The following SSH2 variants were observed in gnomAD, a reference collection of about 807,000 sequenced individuals.
SSH2 encodes the protein slingshot protein phosphatase 2.
A neutral mutation model predicts 135.2 loss-of-function variants in SSH2; 37 were observed. That is an observed-to-expected ratio of 0.27 (90% CI 0.21 to 0.36). SSH2 has a LOEUF of 0.36. Among genes scored for constraint, SSH2 ranks in the 10% least tolerant of loss-of-function variants. The pLI is 1.00. For synonymous variants in SSH2, 628 were observed against 646.2 expected, an observed-to-expected ratio of 0.97 and a Z score of 0.43; for missense variants, 1,408 against 1,765.3, an observed-to-expected ratio of 0.80 and a Z score of 3.63.
intron 3 of SSH2, among the ~76,000 whole-genome samples, chr17:29,708,533 T>C (rs1425402746): frequency 1.4e-5 from 2 of 145,382 alleles, no homozygotes; most frequent in African/African-American, 5.2e-5. Flanking sequence ...GAGGTTGCAG[T>C]GAGCCGAGAT....
intron 1 of SSH2, among the ~76,000 whole-genome samples, chr17:29,921,063 T>C (rs2066968324): frequency 6.6e-6 from 1 of 152,078 alleles, no homozygotes; most frequent in Non-Finnish European, 1.5e-5. Context: ...ATAGTAAATA[T>C]TTGAAAAAAT....
At chr17:29,650,465 A>G (rs1338258306) in intron 13 of SSH2, among the ~76,000 whole-genome samples, 189 bp downstream of exon 13, 7 of 152,160 alleles carry the variant, frequency 4.6e-5, no homozygotes, top group Non-Finnish European at 1.5e-5. Context: ...ACTTTCTCCT[A>G]GGGGTTTACT....
intron 2 of SSH2, among the ~76,000 whole-genome samples, chr17:29,808,496 C>T (rs116335470): frequency 1.4e-3 from 208 of 152,330 alleles, no homozygotes; most frequent in African/African-American, 4.8e-3. Context: ...GCTCAGCTGA[C>T]AGCCACATGT....
intron 2 of SSH2, among the ~76,000 whole-genome samples, chr17:29,804,488 T>A (rs1388790381): frequency 2.0e-5 from 3 of 152,150 alleles, no homozygotes; most frequent in Non-Finnish European, 4.4e-5. Context: ...TATAGAAAAA[T>A]CTGAGCTCTG....
intron 5 of SSH2, among the ~76,000 whole-genome samples, chr17:29,691,698 G>A (rs948741548): frequency 2.6e-5 from 4 of 151,616 alleles, no homozygotes; most frequent in Admixed American, 2.0e-4. Flanking sequence ...CGCCGTGTTA[G>A]CCAGGATGGT....
intron 2 of SSH2, among the ~76,000 whole-genome samples, chr17:29,797,005 G>A (rs1164148706): frequency 4.0e-5 from 6 of 151,636 alleles, no homozygotes; most frequent in Non-Finnish European, 8.8e-5. Context: ...TTAAGTTTTT[G>A]TAGATACGGG....
rs2150950885 is a variant in SSH2 at position 29,626,815 on chromosome 17, C to CT, written c.*4025dup. On this transcript the variant is annotated 3_prime_UTR_variant, in exon 16 of 16. Coordinates refer to ENST00000540801, the MANE Select transcript of SSH2 (RefSeq NM_001282129.2). ...GCTTGTGTCTAATACATGCCTTGAT[C>CT]TTTTAGTTTGGAAGGGAAAACAAAG... 6.5e-6 allele frequency: 1 copy of CT among 152,736 alleles called. No homozygotes were observed. Among genetic ancestry groups the CT allele is most frequent in the African/African-American group, 2.4e-5 (1 of 41,562 alleles). 9.5% of individuals were successfully genotyped at this position (152,736 alleles called of 1,614,324 possible). A position where few individuals can be genotyped will look rare whatever the true frequency, so the allele number is the denominator to read the frequency against.
chr17:29,750,859 C>CAAA (rs77910570), intron 3 of SSH2, among the ~76,000 whole-genome samples: 13 of 83,576 alleles, frequency 1.6e-4, no homozygotes, highest in African/African-American at 4.5e-4. Context: ...ACCAAAAATA[C>CAAA]AAAAAAAAAA....
rs960081367 is a variant in SSH2, at chr17:29,629,626, A to T, written c.*1215T>A. 9 of 152,646 alleles carry T rather than the reference A, an allele frequency of 5.9e-5. No homozygotes were observed. Among genetic ancestry groups the T allele is most frequent in the African/African-American group, 2.2e-4 (9 of 41,454 alleles). 9.5% of individuals were successfully genotyped at this position (152,646 alleles called of 1,614,324 possible). A position where few individuals can be genotyped will look rare whatever the true frequency, so the allele number is the denominator to read the frequency against. On this transcript the variant is annotated 3_prime_UTR_variant, in exon 16 of 16. Transcript: ENST00000540801. ...TAAATCAAAATTACCCTACAACATG[A>T]ACAAGACACTAAGACAGTGACAATA...
At chr17:29,844,687 T>G (rs2043101481) in intron 2 of SSH2, among the ~76,000 whole-genome samples, 1 of 152,188 alleles carries the variant, frequency 6.6e-6, no homozygotes, top group Non-Finnish European at 1.5e-5. Context: ...ACAGATCCTC[T>G]CCCCATTATG....
At chr17:29,761,186 G>A (rs1332282845) in intron 3 of SSH2, 2 of 1,289,740 alleles carry the variant, frequency 1.6e-6, no homozygotes, top group East Asian at 5.5e-5. Context: ...GACCGCGTTG[G>A]CGGAGAAGTA....
intron 5 of SSH2, among the ~76,000 whole-genome samples, chr17:29,691,357 C>T (rs894506190): frequency 5.3e-5 from 8 of 152,088 alleles, no homozygotes; most frequent in East Asian, 1.9e-4. Context: ...TCTTTGGTAA[C>T]GTGCAAGAGT....
At position 29,631,182 on chromosome 17, in the gene SSH2, G is replaced by C. The variant is rs1308829209; in HGVS notation, c.4012C>G (p.Pro1338Ala). 1.9e-6 allele frequency: 3 copies of C among 1,614,178 alleles called. No homozygotes were observed. In the East Asian group the frequency reaches 6.7e-5, roughly 36 times the overall value. Residue 1338 changes from proline (P) to alanine (A), a missense_variant, in exon 16 of 16, where the codon CCA becomes GCA. By Grantham distance (27) the Pro-to-Ala change is conservative (BLOSUM62 -1). Transcript: ENST00000540801. ...AMEDQESLEN[P>A]GAPHNPEPTK... is the part of the protein sequence containing the mutation. ...GGCTCTGGGTTGTGGGGGGCACCTG[G>C]GTTTTCTAGGGACTCTTGGTCCTCC...
intron 1 of SSH2, among the ~76,000 whole-genome samples, chr17:29,902,955 G>A (rs1388318377): frequency 2.6e-5 from 4 of 152,066 alleles, no homozygotes; most frequent in Non-Finnish European, 5.9e-5. Context: ...GGAAGCCGAG[G>A]CGGGAAGATC....
chr17:29,834,046 G>A (rs1477200247), intron 2 of SSH2, among the ~76,000 whole-genome samples: 1 of 144,038 alleles, frequency 6.9e-6, no homozygotes, highest in African/African-American at 2.6e-5. Flanking sequence ...TAGGTTTTTT[G>A]CTTTGAGGTT....
intron 2 of SSH2, among the ~76,000 whole-genome samples, chr17:29,830,887 C>T (rs1449093218): frequency 2.0e-5 from 3 of 152,184 alleles, no homozygotes; most frequent in Admixed American, 6.5e-5. Context: ...TAGTGGAAAC[C>T]ACAAATGGGA....
At chr17:29,743,913 T>C (rs1461690938) in intron 3 of SSH2, among the ~76,000 whole-genome samples, 1 of 129,920 alleles carries the variant, frequency 7.7e-6, no homozygotes, top group East Asian at 2.0e-4. Context: ...TTTCCTTTTT[T>C]TTTTTTTTTT....
chr17:29,732,712 T>C (rs1047195645), intron 3 of SSH2, among the ~76,000 whole-genome samples: 4 of 152,184 alleles, frequency 2.6e-5, no homozygotes, highest in Non-Finnish European at 4.4e-5. Context: ...CTTCGGCTCA[T>C]AGCAGTGAGG....
chr17:29,679,611 G>A (rs1188673717), intron 6 of SSH2, among the ~76,000 whole-genome samples: 1 of 151,988 alleles, frequency 6.6e-6, no homozygotes, highest in Non-Finnish European at 1.5e-5. Context: ...TCTCCATATT[G>A]GTCAGGCTGG....
Sources: gnomAD v4.1 joint callset for allele counts (sites outside exome capture counted in the v4.1 genomes callset) on GRCh38, gnomAD v4.1.1 for gene constraint, MANE v1.5 for transcripts, NCBI Gene and HGNC (gene_info 2026-07-23, HGNC 2026-07-21) for gene names.